CSMD3: variants seen among roughly 807,000 people sequenced by gnomAD.
The protein encoded by CSMD3 is CUB and sushi domain-containing protein 3.
Under a neutral mutation model 435.2 loss-of-function variants are expected in CSMD3, and 177 were observed. The observed-to-expected ratio is 0.41, with a 90% CI of 0.36 to 0.46. The LOEUF (loss-of-function observed/expected upper bound fraction) is 0.46, where lower values mean the gene tolerates loss of function less well. CSMD3 is among the 20% of genes least tolerant of loss of function. CSMD3 has a pLI of 0.34. For missense variants in CSMD3, 4,265 were observed against 4,504.6 expected (o/e 0.95, Z 1.52); for synonymous variants, 1,656 against 1,520.5 (o/e 1.09, Z -2.07).
At chr8:112,457,429 A>G (rs1232289440) in intron 32 of CSMD3, among the ~76,000 whole-genome samples, 2 of 152,146 alleles carry the variant, frequency 1.3e-5, no homozygotes, top group South Asian at 2.1e-4. Flanking sequence ...TAATGCTACT[A>G]GAATCCTACA....
intron 10 of CSMD3, among the ~76,000 whole-genome samples, chr8:112,865,770 T>C (rs1026189939): frequency 1.3e-5 from 2 of 151,534 alleles, no homozygotes; most frequent in African/African-American, 2.4e-5. Flanking sequence ...GAATGTCACA[T>C]TGATGAAAGC....
chr8:113,253,365 C>T (rs1266578711), intron 3 of CSMD3, among the ~76,000 whole-genome samples: 3 of 151,988 alleles, frequency 2.0e-5, no homozygotes, highest in African/African-American at 7.2e-5. Flanking sequence ...TCTCCTAATG[C>T]TATCCCTCCC....
In CSMD3 at chr8:112,237,334, A is replaced by T; in HGVS notation, c.10483T>A (p.Phe3495Ile). 1.9e-6 allele frequency: 3 copies of T among 1,609,884 alleles called. No homozygotes were observed. Among genetic ancestry groups the T allele is most frequent in the Non-Finnish European group, 2.6e-6 (3 of 1,176,292 alleles). ...CCTTTCCATATATAATTTTGGGCAA[A>T]TACATCATCAGGAACTGTGAATAGA... Reference protein sequence around the residue: ...SPKLSVPDDVFAQNYIWKGSY... With the variant: ...SPKLSVPDDVIAQNYIWKGSY... The change falls in exon 67 of 71, where the codon TTT becomes ATT. Residue 3495 changes from phenylalanine to isoleucine, a missense_variant. By Grantham distance (21) the Phe-to-Ile change is conservative (BLOSUM62 0). Around this residue, in one of 3 missense-constraint regions of CSMD3, gnomAD observed 3,255 missense variants for 3,380.2 expected, o/e 0.96. Transcript: ENST00000297405.
At chr8:112,816,951 T>C (rs2079391964) in intron 12 of CSMD3, among the ~76,000 whole-genome samples, 1 of 152,024 alleles carries the variant, frequency 6.6e-6, no homozygotes, top group Non-Finnish European at 1.5e-5. Context: ...AGATTTGACA[T>C]TGTACTAACT....
chr8:112,814,692 G>A (rs2079323384), intron 12 of CSMD3, among the ~76,000 whole-genome samples: 1 of 152,044 alleles, frequency 6.6e-6, no homozygotes, highest in Admixed American at 6.6e-5. Context: ...TGAGGCAGGA[G>A]GATTGCTTGA....
At chr8:112,244,302 C>T (rs1228153622) in intron 65 of CSMD3, 92 bp downstream of exon 65, 18 of 1,068,336 alleles carry the variant, frequency 1.7e-5, no homozygotes, top group East Asian at 7.2e-5. Flanking sequence ...TTCCCTTGTT[C>T]CTATGCTAAT....
chr8:113,435,800 G>A (rs1272308719), intron 1 of CSMD3, among the ~76,000 whole-genome samples: 2 of 152,174 alleles, frequency 1.3e-5, no homozygotes, highest in Admixed American at 6.5e-5. Flanking sequence ...TGCCGGAGAA[G>A]TTGTGGAAGA....
chr8:112,650,033 T>A lies in CSMD3; in HGVS notation c.3193+128A>T, dbSNP rs111558050. 1.4e-3 allele frequency: 1,014 copies of A among 700,016 alleles called. 10 individuals are homozygous for A. Among genetic ancestry groups the A allele is most frequent in the African/African-American group, 0.014 (800 of 55,666 alleles). The allele number at this position is 700,016 out of a possible 1,614,324, so 43.4% of individuals were successfully genotyped here. A position where few individuals can be genotyped will look rare whatever the true frequency, so the allele number is the denominator to read the frequency against. Reference sequence around the variant, plus strand: ...TCATGAATGGTTTGATAACATAAATTTGCCAGAAATCAAAAGAACTTTTAA... The same window carrying A: ...TCATGAATGGTTTGATAACATAAATATGCCAGAAATCAAAAGAACTTTTAA... On this transcript the variant is annotated intron_variant, in intron 19 of 70. Coordinates refer to ENST00000297405, the MANE Select transcript of CSMD3 (RefSeq NM_198123.2).
intron 32 of CSMD3, among the ~76,000 whole-genome samples, chr8:112,431,768 C>T (rs990218856): frequency 3.9e-5 from 6 of 152,080 alleles, no homozygotes; most frequent in African/African-American, 7.2e-5. Flanking sequence ...GGATTGACTG[C>T]CTCTGTGGCA....
chr8:112,247,220 G>A (rs1814822327), intron 63 of CSMD3, 89 bp from the exon 64 acceptor site: 1 of 776,896 alleles, frequency 1.3e-6, no homozygotes, highest in East Asian at 2.6e-5. Context: ...ATGTTATCAA[G>A]TGAAATTCCG....
At chr8:113,039,756 T>C (rs1015726139) in intron 5 of CSMD3, among the ~76,000 whole-genome samples, 2 of 152,200 alleles carry the variant, frequency 1.3e-5, no homozygotes, top group Non-Finnish European at 2.9e-5. Context: ...ATTGGCCAGA[T>C]AGTTGGCAAC....
chr8:113,190,572 C>A (rs2092569827), intron 3 of CSMD3, among the ~76,000 whole-genome samples: 2 of 151,722 alleles, frequency 1.3e-5, no homozygotes, highest in South Asian at 2.1e-4. Flanking sequence ...TTGTAAGTAT[C>A]TTTTCAACCC....
At position 112,550,809 on chromosome 8, in the gene CSMD3, G is replaced by T. The variant is rs1388660515; in HGVS notation, c.4426C>A (p.Pro1476Thr). 18 of 1,611,804 alleles carry T rather than the reference G, an allele frequency of 1.1e-5. No individual in the cohort carries two copies. Among genetic ancestry groups the T allele is most frequent in the East Asian group, 4.5e-5 (2 of 44,776 alleles). ...TCCTTTAAAAGCATATCATTTTCTG[G>T]TGGACCGTCCCAGACTCGGAGTATA... Reference protein sequence around the residue: ...HDILRVWDGPPENDMLLKEIS... With the variant: ...HDILRVWDGPTENDMLLKEIS... The change falls in exon 27 of 71, where the codon CCA (proline) becomes ACA (threonine). Residue 1476 changes from proline (P) to threonine (T), a missense_variant. By Grantham distance (38) the Pro-to-Thr change is conservative. This residue lies in a region of CSMD3 where 3,255 missense variants were observed against 3,380.2 expected (regional missense o/e 0.96). Transcript: ENST00000297405.
At chr8:112,598,938 C>G (rs1428418405) in intron 22 of CSMD3, among the ~76,000 whole-genome samples, 2 of 151,368 alleles carry the variant, frequency 1.3e-5, no homozygotes, top group Non-Finnish European at 3.0e-5. Context: ...CTAGGCAGTA[C>G]CATTCAGGAC....
intron 1 of CSMD3, among the ~76,000 whole-genome samples, chr8:113,369,814 C>CA (rs1398743341): frequency 4.6e-5 from 7 of 151,804 alleles, no homozygotes; most frequent in African/African-American, 1.7e-4. Flanking sequence ...CACAGAAAGA[C>CA]AAATACAACA....
chr8:112,410,920 T>C (rs1811260847), intron 32 of CSMD3, among the ~76,000 whole-genome samples: 2 of 150,488 alleles, frequency 1.3e-5, no homozygotes, highest in Non-Finnish European at 3.0e-5. Context: ...CCAAAAAGGC[T>C]CTTGGCATGT....
intron 3 of CSMD3, among the ~76,000 whole-genome samples, chr8:113,243,266 T>C (rs1481242600): frequency 6.6e-6 from 1 of 152,022 alleles, no homozygotes; most frequent in Non-Finnish European, 1.5e-5. Context: ...AACTTTGCCC[T>C]TTTAAAACAC....
intron 4 of CSMD3, among the ~76,000 whole-genome samples, chr8:113,105,224 A>G (rs755319250): frequency 1.3e-5 from 2 of 152,146 alleles, no homozygotes; most frequent in Non-Finnish European, 1.5e-5. Context: ...TTAAAACATT[A>G]GACCAGGTCT....
At chr8:113,063,328 G>A (rs7006410) in intron 5 of CSMD3, among the ~76,000 whole-genome samples, 14,228 of 151,792 alleles carry the variant, frequency 0.094, 861 homozygotes, top group Middle Eastern at 0.16. Flanking sequence ...TGTCATTGCT[G>A]TGTCAAGTTA....
Sources: gnomAD v4.1 joint callset for allele counts (sites outside exome capture counted in the v4.1 genomes callset) on GRCh38, gnomAD v4.1.1 for gene constraint, gnomAD v4.1.1 regional missense constraint, MANE v1.5 for transcripts, NCBI Gene and HGNC (gene_info 2026-07-23, HGNC 2026-07-21) for gene names.